PRKCE: variants seen among roughly 807,000 people sequenced by gnomAD.
The protein encoded by PRKCE is protein kinase C epsilon type.
Under a neutral mutation model 85.4 loss-of-function variants are expected in PRKCE, and 16 were observed. The observed-to-expected ratio is 0.19, with a 90% CI of 0.13 to 0.28. PRKCE has a LOEUF of 0.28. Ranked by LOEUF, PRKCE falls within the 10% of genes least tolerant of loss-of-function variation. The pLI, the probability that PRKCE is intolerant of heterozygous loss-of-function variation, is 1.00. For synonymous variants in PRKCE, 388 were observed against 371.5 expected, an observed-to-expected ratio of 1.04 and a Z score of -0.51; for missense variants, 573 against 975.2, an observed-to-expected ratio of 0.59 and a Z score of 5.49.
chr2:46,114,541 C>T (rs1339607420), intron 11 of PRKCE, among the ~76,000 whole-genome samples: 1 of 150,448 alleles, frequency 6.6e-6, no homozygotes, highest in Non-Finnish European at 1.5e-5. Context: ...CGTCAGCCTC[C>T]TGAGTAGCTG....
At position 45,907,338 on chromosome 2, in the gene PRKCE, G is replaced by A. The variant is rs547407406; in HGVS notation, c.412+64275G>A. On this transcript the variant is annotated intron_variant, in intron 2 of 14. Transcript: ENST00000306156. This position sits in a 1 kb window ranked among gnomAD's most constrained non-coding sequence, Gnocchi z 4.5. The stretch of plus-strand genomic sequence containing the variant: ...ATGAGAGGCAGGCAAATTGGATATT[G>A]AGGAAATATCTGAATGCACTGGATT... Among the ~76,000 whole-genome samples the A allele has an allele frequency of 2.0e-5, 3 of 152,334 alleles. No individual in the cohort carries two copies. The highest frequency in any genetic ancestry group is 3.9e-4 in the East Asian group (2 of 5,188).
chr2:46,146,833 A>T (rs1325238110), intron 12 of PRKCE, among the ~76,000 whole-genome samples: 1 of 152,226 alleles, frequency 6.6e-6, no homozygotes, highest in Non-Finnish European at 1.5e-5. Flanking sequence ...ACAGTTAAAA[A>T]GTGTAGCTAG....
chr2:46,103,063 A>G (rs954184967), intron 11 of PRKCE, among the ~76,000 whole-genome samples: 23 of 152,312 alleles, frequency 1.5e-4, no homozygotes, highest in Middle Eastern at 3.4e-3. Context: ...ACCCATGTGC[A>G]TTGTCTCCTC....
intron 2 of PRKCE, among the ~76,000 whole-genome samples, chr2:45,966,561 C>A (rs1177139902): frequency 6.6e-6 from 1 of 152,160 alleles, no homozygotes; most frequent in Non-Finnish European, 1.5e-5. Context: ...TGTAAAATTA[C>A]CTTGAAGACT....
intron 14 of PRKCE, among the ~76,000 whole-genome samples, chr2:46,162,009 G>T (rs1437835625): frequency 2.6e-5 from 4 of 152,134 alleles, no homozygotes; most frequent in African/African-American, 9.7e-5. Context: ...AGGAAGAGAG[G>T]GAAGGACAAA....
intron 1 of PRKCE, among the ~76,000 whole-genome samples, chr2:45,662,891 G>GCAAA (rs1293170054): frequency 6.6e-6 from 1 of 151,770 alleles, no homozygotes; most frequent in Non-Finnish European, 1.5e-5. Context: ...AAGCAAGCAA[G>GCAAA]CAGAATTCCT....
At chr2:45,887,266 T>C (rs187621225) in intron 2 of PRKCE, among the ~76,000 whole-genome samples, 54 of 152,302 alleles carry the variant, frequency 3.5e-4, no homozygotes, top group Non-Finnish European at 6.8e-4. Flanking sequence ...GAAGGCTTCC[T>C]ACCTAGATGG....
intron 1 of PRKCE, among the ~76,000 whole-genome samples, chr2:45,723,601 C>A (rs1178314128): frequency 2.0e-5 from 3 of 151,712 alleles, no homozygotes; most frequent in Non-Finnish European, 4.4e-5. Flanking sequence ...AATACATGTT[C>A]TTTTGTTTTG....
intron 1 of PRKCE, among the ~76,000 whole-genome samples, chr2:45,712,579 C>T (rs1030802363): frequency 2.6e-5 from 4 of 152,178 alleles, no homozygotes; most frequent in Admixed American, 2.6e-4. Flanking sequence ...GCCCATGAAG[C>T]TCTGGACCAA....
intron 2 of PRKCE, among the ~76,000 whole-genome samples, chr2:45,929,519 A>G (rs1194298428): frequency 1.3e-5 from 2 of 152,062 alleles, no homozygotes; most frequent in African/African-American, 4.8e-5. Context: ...TTGCCCCTTC[A>G]GGGTAGAAGG....
chr2:46,069,153 G>A (rs1435818860), intron 10 of PRKCE, among the ~76,000 whole-genome samples: 1 of 152,180 alleles, frequency 6.6e-6, no homozygotes, highest in Non-Finnish European at 1.5e-5. Context: ...AGGAGAAGTG[G>A]CATGTCTTCT....
At chr2:45,987,127 A>G (rs1703392059) in intron 6 of PRKCE, among the ~76,000 whole-genome samples, 1 of 152,110 alleles carries the variant, frequency 6.6e-6, no homozygotes, top group Admixed American at 6.5e-5. Flanking sequence ...AAAGCAGCCC[A>G]GACACCCAGA....
chr2:46,083,316 G>T (rs1260512941), intron 10 of PRKCE, among the ~76,000 whole-genome samples: 2 of 152,162 alleles, frequency 1.3e-5, no homozygotes, highest in Admixed American at 6.6e-5. Flanking sequence ...TGAGTCATTT[G>T]CAGCCAGTGA....
chr2:45,909,199 A>G (rs946290787), intron 2 of PRKCE, among the ~76,000 whole-genome samples: 4 of 152,186 alleles, frequency 2.6e-5, no homozygotes, highest in African/African-American at 9.7e-5. Context: ...CTCACAAAGC[A>G]CTTTCATGGT....
At chr2:45,939,530 CA>C (rs1355343033) in intron 2 of PRKCE, among the ~76,000 whole-genome samples, 1 of 151,758 alleles carries the variant, frequency 6.6e-6, no homozygotes, top group African/African-American at 2.4e-5. Flanking sequence ...TGTAATGCAG[CA>C]AGTGATTCCA....
At chr2:45,941,773 C>T (rs1006480046) in intron 2 of PRKCE, among the ~76,000 whole-genome samples, 4 of 152,146 alleles carry the variant, frequency 2.6e-5, no homozygotes, top group Non-Finnish European at 5.9e-5. Flanking sequence ...ATAACCTCTA[C>T]GGTCCACTGG....
At position 46,156,165 on chromosome 2, in the gene PRKCE, C is replaced by T. The variant is rs1454265600; in HGVS notation, c.1921-3441C>T. On this transcript the variant is annotated intron_variant, in intron 13 of 14. Transcript: ENST00000306156. ...AAGACCTTCTCTTCCACATAGCCTC[C>T]AGGGTTCTGCATCAGGCCCCGCCTC... 1.2e-4 allele frequency among the ~76,000 whole-genome samples: 19 copies of T among 152,226 alleles called. No individual in the cohort carries two copies. The South Asian group carries it at 1.9e-3, about 15-fold the overall frequency.
chr2:46,011,758 C>T (rs1369774774), intron 10 of PRKCE, among the ~76,000 whole-genome samples: 1 of 152,030 alleles, frequency 6.6e-6, no homozygotes, highest in Non-Finnish European at 1.5e-5. Flanking sequence ...CAGGGTCCCC[C>T]ATCTCTCTCT....
chr2:45,984,085 G>A (rs185306345), intron 5 of PRKCE, among the ~76,000 whole-genome samples: 49 of 151,804 alleles, frequency 3.2e-4, no homozygotes, highest in Admixed American at 1.2e-3. Context: ...TTACAGGCTC[G>A]CACCACCATG....
Sources: gnomAD v4.1 joint callset for allele counts (sites outside exome capture counted in the v4.1 genomes callset) on GRCh38, gnomAD v4.1.1 for gene constraint, Gnocchi (gnomAD v3.1) non-coding constraint, MANE v1.5 for transcripts, NCBI Gene and HGNC (gene_info 2026-07-23, HGNC 2026-07-21) for gene names.